Variants in LILRB3 observed in about 807,000 individuals in gnomAD.
LILRB3 encodes leukocyte immunoglobulin-like receptor subfamily B member 3.
Under a neutral mutation model 68.2 loss-of-function variants are expected in LILRB3, and 32 were observed. The observed-to-expected ratio is 0.47, with a 90% CI of 0.35 to 0.63. The LOEUF is 0.63. Among genes scored for constraint, LILRB3 ranks in the 30% least tolerant of loss-of-function variants. The pLI, the probability that LILRB3 is intolerant of heterozygous loss-of-function variation, is 0.00. For missense variants in LILRB3, 502 were observed against 791.3 expected, an observed-to-expected ratio of 0.63 and a Z score of 4.39; for synonymous variants, 185 against 323.1, an observed-to-expected ratio of 0.57 and a Z score of 4.58.
intron 4 of LILRB3, 196 bp from the exon 5 acceptor site, chr19:54,221,575 T>A: frequency 6.8e-7 from 1 of 1,462,430 alleles, no homozygotes; most frequent in Non-Finnish European, 9.0e-7. Context: ...GTGCCTGATC[T>A]TTCCTCCTCT....
chr19:54,219,805 G>A, intron 7 of LILRB3: 1 of 1,521,844 alleles, frequency 6.6e-7, no homozygotes, highest in Non-Finnish European at 8.9e-7. Context: ...CCTGAACCTA[G>A]GACAGAACCC....
At chr19:54,219,319 G>T in intron 7 of LILRB3, 74 bp from the exon 8 acceptor site, 1 of 1,504,486 alleles carries the variant, frequency 6.6e-7, no homozygotes, top group Non-Finnish European at 8.9e-7. Context: ...CGCGAGCCAG[G>T]TCTTTCCTTC....
exon 13 of LILRB3, chr19:54,216,597 A>C: frequency 9.9e-7 from 1 of 1,006,900 alleles, no homozygotes; most frequent in Non-Finnish European, 1.2e-6. Context: ...GGCGTGAGCC[A>C]CCGCGCCCGG....
Position 54,218,637 on chromosome 19 carries a change from C to G in LILRB3, c.1540+8G>C. On this transcript the variant is annotated splice_region_variant and intron_variant, in intron 10 of 12. Coordinates refer to ENST00000445347, the Ensembl canonical transcript of LILRB3. ...AGCACCCCCATTTGTCCCCTCTCTT[C>G]CTCTTACAGAGGTTTTCTTCCTGGA... 1.9e-6 allele frequency: 3 copies of G among 1,614,186 alleles called. No individual in the cohort carries two copies. Among genetic ancestry groups the G allele is most frequent in the Non-Finnish European group, 2.5e-6 (3 of 1,180,040 alleles).
rs2078174974 is a variant in LILRB3 at position 54,221,512 on chromosome 19, G to A, written c.659-133C>T. 7 of 1,473,020 alleles carry A rather than the reference G, an allele frequency of 4.8e-6. No individual in the cohort carries two copies. The South Asian group carries it at 8.4e-5, about 18-fold the overall frequency. The allele number at this position is 1,473,020 out of a possible 1,614,324, so 91.2% of individuals were successfully genotyped here. ...GACCCCAGGGCCTCCTTCTCACCCG[G>A]GGCTGTCTTGGAGTCATTTCAGAGG... On this transcript the variant is annotated intron_variant, in intron 4 of 12. Coordinates refer to ENST00000445347, the Ensembl canonical transcript of LILRB3.
chr19:54,216,839 C>T (rs908640155), exon 13 of LILRB3: 38 of 1,385,820 alleles, frequency 2.7e-5, no homozygotes, highest in Non-Finnish European at 3.1e-5. Flanking sequence ...CCGGCCTTTA[C>T]GTCTGTTTTT....
At position 54,217,061 on chromosome 19, in the gene LILRB3, C is replaced by G; in HGVS notation, c.*32G>C. The G allele has an allele frequency of 1.9e-6, 3 of 1,614,040 alleles. No individual in the cohort carries two copies. The South Asian group carries it at 3.3e-5, about 18-fold the overall frequency. On this transcript the variant is annotated 3_prime_UTR_variant, in exon 13 of 13. Coordinates refer to ENST00000445347, the Ensembl canonical transcript of LILRB3. ...GCCTTCAGCAGTCCTGAGTCTCCTT[C>G]TGCTGAGTGTGGGGTCTGCGTACCC...
chr19:54,219,005 A>G (rs995460468), intron 8 of LILRB3, 124 bp downstream of exon 8: 2 of 1,522,736 alleles, frequency 1.3e-6, no homozygotes, highest in Non-Finnish European at 1.8e-6. Flanking sequence ...GTAAATGCGT[A>G]TTGAAATTAC....
At position 54,219,157 on chromosome 19, in the gene LILRB3, A is replaced by AGT; in HGVS notation, c.1397_1398insAC (p.Gln467LeufsTer34). 1 of 1,605,312 alleles carries AGT rather than the reference A, an allele frequency of 6.2e-7. No individual in the cohort carries two copies. The highest frequency in any genetic ancestry group is 8.5e-7 in the Non-Finnish European group (1 of 1,176,454). On this transcript the variant is annotated frameshift_variant, in exon 8 of 13. Transcript: ENST00000445347. LOFTEE classifies it high-confidence loss of function. ...ATGTCCTGTGTTTGCTGTGACGCTG[A>AGT]CGGAGGAGGAGGAGGAAGAGGAGGA... is the stretch of plus-strand genomic sequence containing the variant.
chr19:54,221,913 C>T (rs1207055668), exon 4 of LILRB3: 7 of 1,571,954 alleles, frequency 4.5e-6, no homozygotes, highest in South Asian at 1.1e-5. Flanking sequence ...TGAACCTCCA[C>T]CTGTGGCTGG....
chr19:54,218,292 A>G (rs550526314), intron 11 of LILRB3, 69 bp downstream of exon 11: 2 of 1,589,918 alleles, frequency 1.3e-6, no homozygotes, highest in East Asian at 4.5e-5. Context: ...GAAGGAGGAC[A>G]GAGAAGTCCT....
rs560905226 is a variant in LILRB3, at chr19:54,218,686, G to C, written c.1503-4C>G. 7.9e-5 allele frequency: 128 copies of C among 1,614,192 alleles called. 2 individuals are homozygous for C. In the South Asian group the frequency reaches 1.3e-3, roughly 17 times the overall value. ...GACGTCAGCAGCTGGGCTGGACCTG[G>C]AGGAGGACATGGGAGTGTGAGGGGC... On this transcript the variant is annotated splice_polypyrimidine_tract_variant and splice_region_variant and intron_variant, in intron 9 of 12. Coordinates refer to ENST00000445347, the Ensembl canonical transcript of LILRB3.
At chr19:54,219,676 A>ATAGCTGGGGGT (rs2077888263) in intron 7 of LILRB3, 1 of 1,480,252 alleles carries the variant, frequency 6.8e-7, no homozygotes, top group Non-Finnish European at 9.0e-7. Context: ...CCAGGAGGTC[A>ATAGCTGGGGGT]CAGCTGGGGG....
chr19:54,220,511 G>C lies in LILRB3; in HGVS notation c.1258+17C>G. ...CTGAGCCTTTGAGCTCAGAGAGGAC[G>C]GGGTCAGCGCCCTCACCTGAGACCA... On this transcript the variant is annotated intron_variant, in intron 6 of 12. Transcript: ENST00000445347. 1 of 1,322,906 alleles carries C rather than the reference G, an allele frequency of 7.6e-7. No homozygotes were observed. 81.9% of individuals were successfully genotyped at this position (1,322,906 alleles called of 1,614,324 possible).
chr19:54,216,885 T>G lies in LILRB3; in HGVS notation c.*208A>C, dbSNP rs1247598930. The G allele has an allele frequency of 3.5e-6, 5 of 1,434,854 alleles. No individual in the cohort carries two copies. In the African/African-American group the frequency reaches 5.7e-5, roughly 16 times the overall value. The allele number at this position is 1,434,854 out of a possible 1,614,324, so 88.9% of individuals were successfully genotyped here. A position where few individuals can be genotyped will look rare whatever the true frequency, so the allele number is the denominator to read the frequency against. ...TTTTTGTTATTAACTCATTGATTGT[T>G]GAGAAGTCTGTTGCTTTATTTCCAA... On this transcript the variant is annotated 3_prime_UTR_variant, in exon 13 of 13. Transcript: ENST00000445347.
rs1224532960 is a variant in LILRB3 at position 54,216,919 on chromosome 19, G to A, written c.*174C>T. Reference sequence around the variant, plus strand: ...TGTTGCTTTATTTCCAAAATGGGACGATATTAGTCATCTTTGAGTCAGGTG... The same window carrying A: ...TGTTGCTTTATTTCCAAAATGGGACAATATTAGTCATCTTTGAGTCAGGTG... On this transcript the variant is annotated 3_prime_UTR_variant, in exon 13 of 13. Transcript: ENST00000445347. 8.3e-6 allele frequency: 12 copies of A among 1,445,904 alleles called. No individual in the cohort carries two copies. The African/African-American group carries it at 8.6e-5, about 10-fold the overall frequency. The allele number at this position is 1,445,904 out of a possible 1,614,324, so 89.6% of individuals were successfully genotyped here.
chr19:54,218,125 A>G (rs879265486), intron 11 of LILRB3, among the ~76,000 whole-genome samples: 3 of 151,508 alleles, frequency 2.0e-5, no homozygotes, highest in Non-Finnish European at 4.4e-5. Context: ...GGAGAGCTCT[A>G]ACAACCAGAC....
chr19:54,217,578 T>G (rs879057071), intron 11 of LILRB3, 104 bp from the exon 12 acceptor site: 4 of 1,341,854 alleles, frequency 3.0e-6, no homozygotes, highest in East Asian at 2.4e-5. Context: ...ATCCCTTTCC[T>G]GATGGAATCT....
At chr19:54,216,336 A>C (rs4806503) in exon 13 of LILRB3, 1 of 136,934 alleles carries the variant, frequency 7.3e-6, no homozygotes. Context: ...TCGAGACGGA[A>C]TCTCACTCTG....
Sources: allele counts gnomAD v4.1 joint callset (sites outside exome capture counted in the v4.1 genomes callset), GRCh38; gene constraint gnomAD v4.1.1; transcripts MANE v1.5; gene names NCBI Gene and HGNC (gene_info 2026-07-23, HGNC 2026-07-21).